Variants in WNK2 observed in about 807,000 individuals in gnomAD.
The protein encoded by WNK2 is serine/threonine-protein kinase WNK2.
A neutral mutation model predicts 192.1 loss-of-function variants in WNK2; 67 were observed. The observed-to-expected ratio is 0.35, with a 90% CI of 0.29 to 0.43. The LOEUF (loss-of-function observed/expected upper bound fraction) is 0.43, where lower values mean the gene tolerates loss of function less well. Among genes scored for constraint, WNK2 ranks in the 20% least tolerant of loss-of-function variants. WNK2 has a pLI of 1.00. For synonymous variants in WNK2, 1,439 were observed against 1,393.9 expected (o/e 1.03, Z -0.72); for missense variants, 2,698 against 3,089.7 (o/e 0.87, Z 3.01).
intron 1 of WNK2, 101 bp from the exon 2 acceptor site, chr9:93,184,827 T>C (rs987197594): frequency 9.7e-6 from 10 of 1,036,130 alleles, no homozygotes; most frequent in Non-Finnish European, 1.1e-5. Flanking sequence ...CGGCCGGGGC[T>C]GGGCAGGTTG....
At chr9:93,235,277 T>C (rs1196416369) in intron 5 of WNK2, among the ~76,000 whole-genome samples, 1 of 152,222 alleles carries the variant, frequency 6.6e-6, no homozygotes, top group Non-Finnish European at 1.5e-5. Context: ...TCAGAGAGGC[T>C]GGAGCTTCAC....
At position 93,262,125 on chromosome 9, in the gene WNK2, C is replaced by A. The variant is rs1037193271; in HGVS notation, c.3360+18C>A. 4 of 1,561,132 alleles carry A rather than the reference C, an allele frequency of 2.6e-6. No homozygotes were observed. The highest frequency in any genetic ancestry group is 2.7e-5 in the African/African-American group (2 of 74,156). ...TCCAAGAGGTGTGTGCCCCTCCCCC[C>A]AGCCTGTCCCATGACTGGGCAGTTG... On this transcript the variant is annotated intron_variant, in intron 13 of 29. Coordinates refer to ENST00000427277, the MANE Select transcript of WNK2 (RefSeq NM_006648.4).
intron 13 of WNK2, 24 bp from the exon 14 acceptor site, chr9:93,262,646 C>G (rs1564118852): frequency 1.2e-6 from 2 of 1,612,576 alleles, no homozygotes; most frequent in East Asian, 4.5e-5. Context: ...GACCTGTTCT[C>G]TTTTCTCCGG....
intron 2 of WNK2, among the ~76,000 whole-genome samples, chr9:93,201,676 T>C (rs893706753): frequency 1.1e-4 from 16 of 152,346 alleles, no homozygotes; most frequent in African/African-American, 3.8e-4. Context: ...GACCATGTGC[T>C]TCCCAAGTGC....
intron 2 of WNK2, among the ~76,000 whole-genome samples, chr9:93,222,977 C>T (rs1437029022): frequency 6.6e-6 from 1 of 152,208 alleles, no homozygotes; most frequent in African/African-American, 2.4e-5. Context: ...CCACCGTGCC[C>T]AGCCGTGATG....
At position 93,257,104 on chromosome 9, in the gene WNK2, G is replaced by A; in HGVS notation, c.2347G>A (p.Ala783Thr). The change falls in exon 11 of 30, where the codon GCG becomes ACG. Residue 783 changes from alanine to threonine, a missense_variant. By Grantham distance (58) the Ala-to-Thr change is moderately conservative. This residue lies in a region of WNK2 where 893 missense variants were observed against 909.0 expected (regional missense o/e 0.98). Coordinates refer to ENST00000427277, the MANE Select transcript of WNK2 (RefSeq NM_006648.4). This position sits in a 1 kb window ranked among gnomAD's most constrained non-coding sequence, Gnocchi z 4.7. ...GCTGAAGCCCCTCCAGATGCCACAG[G>A]CGCCCCTGCAGCCGCTTGCTCAAGT... ...AQLKPLQMPQ[A>T]PLQPLAQVPP... 6.2e-7 allele frequency: 1 copy of A among 1,608,848 alleles called. No individual in the cohort carries two copies. Among genetic ancestry groups the A allele is most frequent in the South Asian group, 1.1e-5 (1 of 90,918 alleles).
chr9:93,317,256 A>C, intron 28 of WNK2: 1 of 570,760 alleles, frequency 1.8e-6, no homozygotes, highest in Admixed American at 3.1e-5. Context: ...GTCCTCCTCC[A>C]AGTCCCATTT....
intron 2 of WNK2, among the ~76,000 whole-genome samples, chr9:93,204,792 C>T (rs1228468126): frequency 6.6e-6 from 1 of 152,050 alleles, no homozygotes; most frequent in Non-Finnish European, 1.5e-5. Context: ...TGCCCGAGGA[C>T]ACCAGGGAGG....
At chr9:93,249,677 TGTTAGCCAGGATGGTCTCA>T (rs1273938252) in intron 8 of WNK2, among the ~76,000 whole-genome samples, 1 of 151,348 alleles carries the variant, frequency 6.6e-6, no homozygotes, top group African/African-American at 2.4e-5. Context: ...GGTTTCACCG[TGTTAGCCAGGATGGTCTCA>T]ATCTCCTGAC....
intron 9 of WNK2, among the ~76,000 whole-genome samples, chr9:93,254,067 C>T (rs1184867213): frequency 2.0e-5 from 3 of 152,218 alleles, no homozygotes; most frequent in African/African-American, 7.2e-5. Context: ...TAGGCACGCG[C>T]CACCACGCCC....
At chr9:93,287,441 A>G (rs1423057898) in intron 19 of WNK2, among the ~76,000 whole-genome samples, 2 of 152,232 alleles carry the variant, frequency 1.3e-5, no homozygotes, top group African/African-American at 2.4e-5. Flanking sequence ...TGCGTGCATC[A>G]TGGTGCAGTT....
At chr9:93,320,265 C>G (rs1031947380) in intron 29 of WNK2, 102 bp from the exon 30 acceptor site, 5 of 1,294,974 alleles carry the variant, frequency 3.9e-6, no homozygotes, top group Admixed American at 2.0e-5. Flanking sequence ...GCTGGCGCAG[C>G]CTTCCCGTCG....
At position 93,229,660 on chromosome 9, in the gene WNK2, A is replaced by T. The variant is rs536217497; in HGVS notation, c.682-36A>T. 2 of 1,598,018 alleles carry T rather than the reference A, an allele frequency of 1.3e-6. No homozygotes were observed. Among genetic ancestry groups the T allele is most frequent in the African/African-American group, 2.7e-5 (2 of 74,680 alleles). Reference sequence around the variant, plus strand: ...GCCACCGTGTCCCCTTCTGTGTCCCATCTCTTGCCCACTTAGCATGTCTCT... The same window carrying T: ...GCCACCGTGTCCCCTTCTGTGTCCCTTCTCTTGCCCACTTAGCATGTCTCT... On this transcript the variant is annotated intron_variant, in intron 2 of 29. Transcript: ENST00000427277. The surrounding 1 kb of genome is among the most constrained non-coding windows in gnomAD (Gnocchi z 4.9).
Position 93,299,196 on chromosome 9 carries a change from G to T in WNK2, c.6050G>T (p.Arg2017Leu). 1 of 1,601,504 alleles carries T rather than the reference G, an allele frequency of 6.2e-7. No homozygotes were observed. Among genetic ancestry groups the T allele is most frequent in the Non-Finnish European group, 8.5e-7 (1 of 1,171,332 alleles). ...CAGACCCAGCAGCCCTGCTCCGTCC[G>T]GGCCTCCCTGTCTTCGGACATCTGC... ...AVQTQQPCSV[R>L]ASLSSDICSG... Residue 2017 changes from arginine (R) to leucine (L), a missense_variant, in exon 25 of 30, where the codon CGG becomes CTG. Transcript: ENST00000427277.
At chr9:93,204,168 T>A (rs1031709612) in intron 2 of WNK2, among the ~76,000 whole-genome samples, 11 of 152,102 alleles carry the variant, frequency 7.2e-5, no homozygotes, top group African/African-American at 2.7e-4. Flanking sequence ...AGGGAGCCAC[T>A]GAAGGCTCCT....
intron 28 of WNK2, chr9:93,316,090 G>A (rs1854613133): frequency 6.6e-6 from 1 of 152,198 alleles, no homozygotes; most frequent in Non-Finnish European, 1.5e-5. Context: ...CATTCGTCAA[G>A]TGGTCGTCTG....
At chr9:93,308,835 T>C in intron 28 of WNK2, 1 of 1,376,676 alleles carries the variant, frequency 7.3e-7, no homozygotes, top group Non-Finnish European at 9.4e-7. Context: ...GGGCTGTGAC[T>C]CCACAGCTCA....
chr9:93,283,364 G>A (rs768424423), intron 19 of WNK2, among the ~76,000 whole-genome samples: 8 of 152,152 alleles, frequency 5.3e-5, no homozygotes, highest in Non-Finnish European at 1.2e-4. Flanking sequence ...CTTAGCAACG[G>A]TTCTTTGAAA....
chr9:93,204,183 G>A (rs1832966045), intron 2 of WNK2, among the ~76,000 whole-genome samples: 1 of 152,148 alleles, frequency 6.6e-6, no homozygotes, highest in African/African-American at 2.4e-5. Context: ...GCTCCTGGGG[G>A]AGAGTATATG....
Sources: gnomAD v4.1 joint callset for allele counts (sites outside exome capture counted in the v4.1 genomes callset) on GRCh38, gnomAD v4.1.1 for gene constraint, gnomAD v4.1.1 regional missense constraint, Gnocchi (gnomAD v3.1) non-coding constraint, MANE v1.5 for transcripts, NCBI Gene and HGNC (gene_info 2026-07-23, HGNC 2026-07-21) for gene names.